ADAMTS17: variants seen among roughly 807,000 people sequenced by gnomAD.
ADAMTS17 encodes A disintegrin and metalloproteinase with thrombospondin motifs 17.
Under a neutral mutation model 141.5 loss-of-function variants are expected in ADAMTS17, and 113 were observed. The observed-to-expected ratio is 0.80, with a 90% CI of 0.69 to 0.93. ADAMTS17 has a LOEUF of 0.93. ADAMTS17 is among the 40% of genes least tolerant of loss of function. The pLI is 0.00. For synonymous variants in ADAMTS17, 768 were observed against 630.6 expected (o/e 1.22, Z -3.27); for missense variants, 1,659 against 1,517.9 (o/e 1.09, Z -1.54).
At chr15:100,112,192 G>T (rs552254443) in intron 13 of ADAMTS17, among the ~76,000 whole-genome samples, 5 of 152,306 alleles carry the variant, frequency 3.3e-5, no homozygotes, top group African/African-American at 1.2e-4. Context: ...TGCAAAGCAG[G>T]AAGGCCAACC....
At chr15:100,217,966 G>T (rs1439424693) in intron 7 of ADAMTS17, among the ~76,000 whole-genome samples, 1 of 152,186 alleles carries the variant, frequency 6.6e-6, no homozygotes, top group Non-Finnish European at 1.5e-5. Flanking sequence ...CTGCCGCCTT[G>T]ACCTCCCGGG....
At chr15:100,299,224 G>A (rs967417652) in intron 3 of ADAMTS17, among the ~76,000 whole-genome samples, 1 of 152,028 alleles carries the variant, frequency 6.6e-6, no homozygotes, top group African/African-American at 2.4e-5. Flanking sequence ...AAGATACTCA[G>A]ATACTCATCT....
At chr15:100,316,444 CCA>C (rs1365486062) in intron 3 of ADAMTS17, among the ~76,000 whole-genome samples, 3 of 152,208 alleles carry the variant, frequency 2.0e-5, no homozygotes, top group Non-Finnish European at 4.4e-5. Flanking sequence ...TGTGCACACT[CCA>C]GTGTTCCCTT....
At chr15:100,124,314 C>T (rs1596493600) in intron 12 of ADAMTS17, among the ~76,000 whole-genome samples, 1 of 152,176 alleles carries the variant, frequency 6.6e-6, no homozygotes, top group East Asian at 1.9e-4. Context: ...AGATACAAAA[C>T]CAAACGGCTT....
At chr15:99,979,878 C>T (rs1446317549) in intron 20 of ADAMTS17, 1 of 152,200 alleles carries the variant, frequency 6.6e-6, no homozygotes, top group Non-Finnish European at 1.5e-5. Context: ...TACTTAATGG[C>T]AGGCATTTGA....
chr15:100,338,312 A>AACATCTCTGGAGACAAACAGCAC (rs2046266240), intron 2 of ADAMTS17, among the ~76,000 whole-genome samples: 1 of 152,246 alleles, frequency 6.6e-6, no homozygotes, highest in Non-Finnish European at 1.5e-5. Flanking sequence ...ACAGACAGCA[A>AACATCTCTGGAGACAAACAGCAC]ACATCTCTGG....
At chr15:100,232,407 C>G (rs906706687) in intron 7 of ADAMTS17, among the ~76,000 whole-genome samples, 1 of 152,220 alleles carries the variant, frequency 6.6e-6, no homozygotes, top group African/African-American at 2.4e-5. Context: ...CTCTGAAAGC[C>G]TGATGGAGAT....
At chr15:100,279,440 C>G (rs1449797936) in intron 4 of ADAMTS17, among the ~76,000 whole-genome samples, 4 of 152,250 alleles carry the variant, frequency 2.6e-5, no homozygotes, top group Non-Finnish European at 5.9e-5. Flanking sequence ...CATGTCATCT[C>G]CCTACCCCAC....
chr15:100,219,303 TA>T (rs2042061545), intron 7 of ADAMTS17, among the ~76,000 whole-genome samples: 1 of 152,200 alleles, frequency 6.6e-6, no homozygotes, highest in South Asian at 2.1e-4. Flanking sequence ...ATAAATATAC[TA>T]AAAACCACTT....
At chr15:100,263,115 G>A (rs1036843567) in intron 4 of ADAMTS17, among the ~76,000 whole-genome samples, 6 of 152,276 alleles carry the variant, frequency 3.9e-5, no homozygotes, top group African/African-American at 4.8e-5. Flanking sequence ...AGGGGCAGAA[G>A]GTTGAAAACT....
At chr15:100,129,928 A>C (rs1475480296) in intron 12 of ADAMTS17, among the ~76,000 whole-genome samples, 1 of 152,152 alleles carries the variant, frequency 6.6e-6, no homozygotes, top group Non-Finnish European at 1.5e-5. Flanking sequence ...ATGACTCCAA[A>C]CCCAGCCCTT....
rs141259953 is a variant in ADAMTS17, at chr15:100,143,264, C to T, written c.1473+9348G>A. ...TAGCAGCAATACACACTCTTCCTTGCAGCTGACAGCGCCTGCATTGGGCTT... is the reference window on the plus strand; with the variant it reads ...TAGCAGCAATACACACTCTTCCTTGTAGCTGACAGCGCCTGCATTGGGCTT... On this transcript the variant is annotated intron_variant, in intron 10 of 21. Coordinates refer to ENST00000268070, the MANE Select transcript of ADAMTS17 (RefSeq NM_139057.4). 4.9e-3 allele frequency among the ~76,000 whole-genome samples: 745 copies of T among 152,328 alleles called. 5 individuals carry two copies. The highest frequency in any genetic ancestry group is 0.02 in the Middle Eastern group (6 of 294).
rs143634089 is a variant in ADAMTS17, at chr15:100,177,871, T to A, written c.1181+21447A>T. ...TACATATACGTTAAAGGTTGTTGTA[T>A]CTTTTCTGGTGGGTTGACCTTTTTA... On this transcript the variant is annotated intron_variant, in intron 8 of 21. Coordinates refer to ENST00000268070, the MANE Select transcript of ADAMTS17 (RefSeq NM_139057.4). 3.4e-4 allele frequency among the ~76,000 whole-genome samples: 52 copies of A among 152,308 alleles called. No individual in the cohort carries two copies. The East Asian group carries it at 8.3e-3, about 24-fold the overall frequency.
At chr15:100,208,926 T>G (rs1424063075) in intron 7 of ADAMTS17, among the ~76,000 whole-genome samples, 1 of 152,058 alleles carries the variant, frequency 6.6e-6, no homozygotes, top group African/African-American at 2.4e-5. Context: ...CCTGTATCAC[T>G]CGTATTTCTC....
intron 18 of ADAMTS17, among the ~76,000 whole-genome samples, chr15:100,029,342 T>C (rs117730144): frequency 0.011 from 1,638 of 152,372 alleles, 16 homozygotes; most frequent in Non-Finnish European, 0.017. Context: ...CTTTCCTGAC[T>C]GTGGCAAACT....
intron 20 of ADAMTS17, among the ~76,000 whole-genome samples, chr15:99,981,230 T>G (rs139001184): frequency 3.9e-5 from 6 of 152,306 alleles, no homozygotes; most frequent in African/African-American, 1.4e-4. Context: ...CTAGCATGGG[T>G]CACTGGCTTT....
chr15:100,331,172 C>A (rs184846264), intron 2 of ADAMTS17, 118 bp from the exon 3 acceptor site: 10 of 1,300,732 alleles, frequency 7.7e-6, no homozygotes, highest in South Asian at 2.5e-5. Context: ...GGTCTGGGCT[C>A]GTTTCTTTGC....
intron 3 of ADAMTS17, among the ~76,000 whole-genome samples, chr15:100,292,179 ACGC>A (rs2044654441): frequency 6.7e-6 from 1 of 148,592 alleles, no homozygotes. Context: ...ACTACGAGAC[ACGC>A]TCACCCCGTG....
chr15:100,193,162 C>T (rs951729416), intron 8 of ADAMTS17, among the ~76,000 whole-genome samples: 4 of 152,272 alleles, frequency 2.6e-5, no homozygotes, highest in Admixed American at 2.0e-4. Context: ...GCTGCTCGCT[C>T]TCCTGCCTCT....
Sources: gnomAD v4.1 joint callset for allele counts (sites outside exome capture counted in the v4.1 genomes callset) on GRCh38, gnomAD v4.1.1 for gene constraint, MANE v1.5 for transcripts, NCBI Gene and HGNC (gene_info 2026-07-23, HGNC 2026-07-21) for gene names.